Variants in KCNA2 observed in about 807,000 individuals in gnomAD.
The protein encoded by KCNA2 is potassium channel, voltage gated shaker related subfamily A, member 2.
Under a neutral mutation model 33.4 loss-of-function variants are expected in KCNA2, and 11 were observed. That is an observed-to-expected ratio of 0.33 (90% CI 0.21 to 0.55). The LOEUF (loss-of-function observed/expected upper bound fraction) is 0.55, where lower values mean the gene tolerates loss of function less well. Ranked by LOEUF, KCNA2 falls within the 20% of genes least tolerant of loss-of-function variation. The pLI, the probability that KCNA2 is intolerant of heterozygous loss-of-function variation, is 0.93. For synonymous variants in KCNA2, 222 were observed against 231.3 expected, an observed-to-expected ratio of 0.96 and a Z score of 0.37; for missense variants, 291 against 621.6, an observed-to-expected ratio of 0.47 and a Z score of 5.66.
chr1:110,628,959 G>A (rs1006454035), intron 1 of KCNA2, among the ~76,000 whole-genome samples: 4 of 152,168 alleles, frequency 2.6e-5, no homozygotes, highest in South Asian at 2.1e-4. Flanking sequence ...AATCATGGTG[G>A]TGCTGCACCA....
Position 110,596,857 on chromosome 1 carries a change from A to G in KCNA2, c.*6426T>C, listed in dbSNP as rs1251535944. ...GTGTATAGAGCAAGGTAGATCAAAA[A>G]AGGATGGAATGGGACCCTGGGGTTG... On this transcript the variant is annotated 3_prime_UTR_variant, in exon 3 of 3. Transcript: ENST00000316361. 2 of 985,322 alleles carry G rather than the reference A, an allele frequency of 2.0e-6. No homozygotes were observed. The highest frequency in any genetic ancestry group is 2.4e-6 in the Non-Finnish European group (2 of 829,938). The allele number at this position is 985,322 out of a possible 1,614,324, so 61.0% of individuals were successfully genotyped here. A position where few individuals can be genotyped will look rare whatever the true frequency, so the allele number is the denominator to read the frequency against.
At chr1:110,612,203 G>A (rs61784712) in intron 1 of KCNA2, among the ~76,000 whole-genome samples, 7,953 of 152,206 alleles carry the variant, frequency 0.052, 246 homozygotes, top group Middle Eastern at 0.071. Flanking sequence ...ACAGTCACGC[G>A]TCACCTAACG....
At position 110,602,049 on chromosome 1, in the gene KCNA2, G is replaced by A; in HGVS notation, c.*1234C>T. 6.4e-7 allele frequency: 1 copy of A among 1,550,456 alleles called. No individual in the cohort carries two copies. Among genetic ancestry groups the A allele is most frequent in the Non-Finnish European group, 8.7e-7 (1 of 1,146,950 alleles). ...ACAGACCTGCCTGTCATCAGGACCA[G>A]ATGCCCTGGTCCACTGTACAGTCAT... On this transcript the variant is annotated 3_prime_UTR_variant, in exon 3 of 3. Transcript: ENST00000316361.
In KCNA2 at chr1:110,614,369, G is replaced by T. The variant is rs527889379; in HGVS notation, c.-495-8647C>A. Among the ~76,000 whole-genome samples, 302 of 152,284 alleles carry T rather than the reference G, an allele frequency of 2.0e-3. 2 individuals are homozygous for T. The highest frequency in any genetic ancestry group is 7.1e-3 in the African/African-American group (297 of 41,548). On this transcript the variant is annotated intron_variant, in intron 1 of 4. Transcript: ENST00000369770. ...AAGTGCAGACAGTATCACTGTTTTT[G>T]CTTCATAAAAGTAGCCTAACACAGG...
Position 110,623,051 on chromosome 1 carries a change from T to A in KCNA2, c.-496+8344A>T, listed in dbSNP as rs59988772. Among the ~76,000 whole-genome samples, 54 of 152,336 alleles carry A rather than the reference T, an allele frequency of 3.5e-4. No individual in the cohort carries two copies. The East Asian group carries it at 9.3e-3, about 26-fold the overall frequency. On this transcript the variant is annotated intron_variant, in intron 1 of 4. Coordinates refer to the KCNA2 transcript ENST00000369770. ...AAGAACAAGATTAGAGGGCTAATAC[T>A]ATATTATTTCAAGACTTACTACAAG...
Position 110,593,939 on chromosome 1 carries a change from A to C in KCNA2, c.*9344T>G. On this transcript the variant is annotated 3_prime_UTR_variant, in exon 3 of 3. Coordinates refer to ENST00000316361, the MANE Select transcript of KCNA2 (RefSeq NM_004974.4). The stretch of plus-strand genomic sequence containing the variant: ...AGTTACAGCTGGTGTCTAAATTTTC[A>C]AGAAGCAAACAAATAGTTAAATGAC... 1 of 1,549,652 alleles carries C rather than the reference A, an allele frequency of 6.5e-7. No homozygotes were observed. The highest frequency in any genetic ancestry group is 1.2e-5 in the South Asian group (1 of 83,810).
At position 110,595,281 on chromosome 1, in the gene KCNA2, A is replaced by C. The variant is rs1413291362; in HGVS notation, c.*8002T>G. 35 of 985,328 alleles carry C rather than the reference A, an allele frequency of 3.6e-5. No homozygotes were observed. Among genetic ancestry groups the C allele is most frequent in the Non-Finnish European group, 4.1e-5 (34 of 829,948 alleles). 61.0% of individuals were successfully genotyped at this position (985,328 alleles called of 1,614,324 possible). A position where few individuals can be genotyped will look rare whatever the true frequency, so the allele number is the denominator to read the frequency against. Reference sequence around the variant, plus strand: ...CTGGAACATATTAGACTATTTTAGGAGTGCAGAGGAGCACAGAAAGTTATA... The same window carrying C: ...CTGGAACATATTAGACTATTTTAGGCGTGCAGAGGAGCACAGAAAGTTATA... On this transcript the variant is annotated 3_prime_UTR_variant, in exon 3 of 3. Coordinates refer to ENST00000316361, the MANE Select transcript of KCNA2 (RefSeq NM_004974.4).
In KCNA2 at chr1:110,597,909, G is replaced by A. The variant is rs1649166477; in HGVS notation, c.*5374C>T. On this transcript the variant is annotated 3_prime_UTR_variant, in exon 3 of 3. Coordinates refer to ENST00000316361, the MANE Select transcript of KCNA2 (RefSeq NM_004974.4). The stretch of plus-strand genomic sequence containing the variant: ...GGAAAAGTAAACTAGGTTAGTTTGA[G>A]GAAGAGAACCTTCCTGCATGTAGGG... The A allele has an allele frequency of 2.0e-6, 2 of 985,410 alleles. No individual in the cohort carries two copies. Among genetic ancestry groups the A allele is most frequent in the Non-Finnish European group, 2.4e-6 (2 of 829,936 alleles). 61.0% of individuals were successfully genotyped at this position (985,410 alleles called of 1,614,324 possible).
Position 110,596,810 on chromosome 1 carries a change from A to T in KCNA2, c.*6473T>A. The T allele has an allele frequency of 1.0e-6, 1 of 985,418 alleles. No individual in the cohort carries two copies. Among genetic ancestry groups the T allele is most frequent in the Non-Finnish European group, 1.2e-6 (1 of 829,930 alleles). 61.0% of individuals were successfully genotyped at this position (985,418 alleles called of 1,614,324 possible). ...GTCCCTGAGGTTTCCCCATCAGTTA[A>T]CTGAGGTTTTGCTGTACATATGTGT... On this transcript the variant is annotated 3_prime_UTR_variant, in exon 3 of 3. Coordinates refer to ENST00000316361, the MANE Select transcript of KCNA2 (RefSeq NM_004974.4).
At chr1:110,613,923 C>T (rs912803321) in intron 1 of KCNA2, among the ~76,000 whole-genome samples, 2 of 152,224 alleles carry the variant, frequency 1.3e-5, no homozygotes, top group African/African-American at 4.8e-5. Context: ...GTGCTTTAAG[C>T]TCTCCTAAGG....
chr1:110,597,799 A>G lies in KCNA2; in HGVS notation c.*5484T>C, dbSNP rs538831205. Reference sequence around the variant, plus strand: ...AAAGAAAACAGTCACTATTTATTTTATTGCACTTTTCCTCTTTAAAAATAT... The same window carrying G: ...AAAGAAAACAGTCACTATTTATTTTGTTGCACTTTTCCTCTTTAAAAATAT... On this transcript the variant is annotated 3_prime_UTR_variant, in exon 3 of 3. Coordinates refer to ENST00000316361, the MANE Select transcript of KCNA2 (RefSeq NM_004974.4). 244 of 985,196 alleles carry G rather than the reference A, an allele frequency of 2.5e-4. 1 individual carries two copies. The highest frequency in any genetic ancestry group is 2.8e-4 in the Non-Finnish European group (234 of 829,816). The allele number at this position is 985,196 out of a possible 1,614,324, so 61.0% of individuals were successfully genotyped here.
chr1:110,597,505 T>C lies in KCNA2; in HGVS notation c.*5778A>G. 1 of 985,236 alleles carries C rather than the reference T, an allele frequency of 1.0e-6. No individual in the cohort carries two copies. The highest frequency in any genetic ancestry group is 1.2e-6 in the Non-Finnish European group (1 of 829,846). 61.0% of individuals were successfully genotyped at this position (985,236 alleles called of 1,614,324 possible). A position where few individuals can be genotyped will look rare whatever the true frequency, so the allele number is the denominator to read the frequency against. ...GAGGGAGAGGGGACAGAGACACACA[T>C]GGAGACAGAGAGGTGCACACAGGAA... is the stretch of plus-strand genomic sequence containing the variant. On this transcript the variant is annotated 3_prime_UTR_variant, in exon 3 of 3. Transcript: ENST00000316361.
At chr1:110,628,406 C>A (rs995878380) in intron 1 of KCNA2, among the ~76,000 whole-genome samples, 1 of 152,158 alleles carries the variant, frequency 6.6e-6, no homozygotes, top group Non-Finnish European at 1.5e-5. Context: ...TGTGAAGAAG[C>A]CTCCTGGGTG....
chr1:110,617,591 A>C (rs918324134), intron 1 of KCNA2, among the ~76,000 whole-genome samples: 1 of 152,204 alleles, frequency 6.6e-6, no homozygotes, highest in Admixed American at 6.5e-5. Context: ...TTCCCCTCAG[A>C]GATGTCAAGG....
Position 110,604,567 on chromosome 1 carries a change from G to A in KCNA2, c.216C>T (p.Leu72=), listed in dbSNP as rs1283514787. The change falls in exon 3 of 3, where the codon CTC becomes CTT. Residue 72 remains leucine, a synonymous_variant. Coordinates refer to ENST00000316361, the MANE Select transcript of KCNA2 (RefSeq NM_004974.4). This position sits in a 1 kb window ranked among gnomAD's most constrained non-coding sequence, Gnocchi z 7.6. ...TCCGATCGAAAAAGTACTCATTTCG[G>A]AGGGGGTCAAAGTACCTCATTCGTT... ...PKKRMRYFDP[L]RNEYFFDRNR... is the part of the protein sequence containing the mutation. 2 of 1,614,096 alleles carry A rather than the reference G, an allele frequency of 1.2e-6. No individual in the cohort carries two copies. Among genetic ancestry groups the A allele is most frequent in the African/African-American group, 2.7e-5 (2 of 74,936 alleles).
chr1:110,627,500 T>G (rs563077787), intron 1 of KCNA2, among the ~76,000 whole-genome samples: 1 of 152,280 alleles, frequency 6.6e-6, no homozygotes, highest in African/African-American at 2.4e-5. Flanking sequence ...CTATGTTATC[T>G]TTCTCTATCT....
In KCNA2 at chr1:110,595,068, C is replaced by T; in HGVS notation, c.*8215G>A. ...TCAAGGAGAAGCAGGGCTTAGAGGC[C>T]TCTCACAGAGACTCAGAAAGACACC... On this transcript the variant is annotated 3_prime_UTR_variant, in exon 3 of 3. Coordinates refer to ENST00000316361, the MANE Select transcript of KCNA2 (RefSeq NM_004974.4). 1.0e-6 allele frequency: 1 copy of T among 985,264 alleles called. No individual in the cohort carries two copies. The highest frequency in any genetic ancestry group is 1.1e-4 in the East Asian group (1 of 8,812). 61.0% of individuals were successfully genotyped at this position (985,264 alleles called of 1,614,324 possible).
rs1223478964 is a variant in KCNA2, at chr1:110,603,723, G to A, written c.1060C>T (p.Arg354Ter). 1.2e-6 allele frequency: 2 copies of A among 1,613,920 alleles called. No individual in the cohort carries two copies. The highest frequency in any genetic ancestry group is 1.7e-5 in the Admixed American group (1 of 60,026). ...SAVYFAEADE[R>*]ESQFPSIPDA... ...GGGATGCTGGGGAACTGGGACTCTC[G>A]CTCATCGGCCTCTGCAAAATACACA... The change falls in exon 3 of 3, where the codon CGA (arginine) becomes TGA (stop). Residue 354 changes from arginine to a stop codon, truncating the protein, a stop_gained. Transcript: ENST00000316361. LOFTEE classifies it high-confidence loss of function. The surrounding 1 kb of genome is among the most constrained non-coding windows in gnomAD (Gnocchi z 5.7).
chr1:110,618,275 A>T (rs753373561), intron 1 of KCNA2, among the ~76,000 whole-genome samples: 1 of 152,220 alleles, frequency 6.6e-6, no homozygotes, highest in Non-Finnish European at 1.5e-5. Flanking sequence ...TGAGTCCAAG[A>T]GTTCGAGGTT....
Sources: allele counts gnomAD v4.1 joint callset (sites outside exome capture counted in the v4.1 genomes callset), GRCh38; gene constraint gnomAD v4.1.1; non-coding constraint Gnocchi (gnomAD v3.1); transcripts MANE v1.5; gene names NCBI Gene and HGNC (gene_info 2026-07-23, HGNC 2026-07-21).